SACS: variants seen among roughly 807,000 people sequenced by gnomAD.
The protein encoded by SACS is sacsin.
SACS carries 197 observed loss-of-function variants against 348.0 expected under a neutral mutation model. The observed-to-expected ratio is 0.57, with a 90% CI of 0.50 to 0.64. SACS has a LOEUF of 0.64. SACS is among the 30% of genes least tolerant of loss of function. The probability of loss-of-function intolerance (pLI) is 0.00; values close to 1 mark genes in which losing one functional copy is unlikely to be tolerated. For synonymous variants in SACS, 1,985 were observed against 1,910.6 expected, an observed-to-expected ratio of 1.04 and a Z score of -1.02; for missense variants, 4,999 against 5,360.8, an observed-to-expected ratio of 0.93 and a Z score of 2.11.
Position 23,340,681 on chromosome 13 carries a change from A to C in SACS, c.3195T>G (p.Phe1065Leu). The change falls in exon 10 of 10, where the codon TTT (phenylalanine) becomes TTG (leucine). Residue 1065 changes from phenylalanine (F) to leucine (L), a missense_variant. Phe to Leu is a conservative substitution (Grantham distance 22, BLOSUM62 0). This residue lies in a region of SACS where 3,156 missense variants were observed against 3,380.1 expected (regional missense o/e 0.93). Transcript: ENST00000382292. ...GGAAATAGGTTCCTTCTTCATTACA[A>C]AAGAGATCCTTTAGTACTTCTATAT... Reference protein sequence around the residue: ...DPDIEVLKDLFCNEEGTYFPP... With the variant: ...DPDIEVLKDLLCNEEGTYFPP... 2 of 1,594,236 alleles carry C rather than the reference A, an allele frequency of 1.3e-6. No homozygotes were observed. The highest frequency in any genetic ancestry group is 1.7e-6 in the Non-Finnish European group (2 of 1,173,334).
chr13:23,415,484 A>G (rs1299047460), intron 1 of SACS, among the ~76,000 whole-genome samples: 3 of 152,224 alleles, frequency 2.0e-5, no homozygotes, highest in Non-Finnish European at 4.4e-5. Context: ...GTCAGAAATT[A>G]CCTACCATGA....
At chr13:23,379,216 C>A (rs890851273) in intron 2 of SACS, among the ~76,000 whole-genome samples, 1 of 152,190 alleles carries the variant, frequency 6.6e-6, no homozygotes, top group African/African-American at 2.4e-5. Flanking sequence ...GGACATGGTG[C>A]CACCTTCCTC....
chr13:23,346,729 G>A (rs1869632027), intron 9 of SACS: 1 of 596,650 alleles, frequency 1.7e-6, no homozygotes, highest in Non-Finnish European at 2.1e-6. Context: ...TAGCTACTTA[G>A]GTAAATGCAA....
At position 23,347,072 on chromosome 13, in the gene SACS, T is replaced by C. The variant is rs375313141; in HGVS notation, c.2186-5382A>G. On this transcript the variant is annotated intron_variant, in intron 9 of 9. Transcript: ENST00000382292. ...GTACGTAAGAGTCAGGAGTGTTGGT[T>C]CAGAAAGAAAGCAAAGAAAGAATTA... is the stretch of plus-strand genomic sequence containing the variant. Among the ~76,000 whole-genome samples, 23 of 152,280 alleles carry C rather than the reference T, an allele frequency of 1.5e-4. No homozygotes were observed. The East Asian group carries it at 3.9e-3, about 26-fold the overall frequency.
chr13:23,426,728 G>T (rs924064193), intron 1 of SACS, among the ~76,000 whole-genome samples: 6 of 152,002 alleles, frequency 3.9e-5, no homozygotes, highest in Non-Finnish European at 5.9e-5. Context: ...AAGTGAGTCA[G>T]ACAGGTGATA....
intron 9 of SACS, among the ~76,000 whole-genome samples, chr13:23,348,646 G>A (rs1196021977): frequency 6.6e-6 from 1 of 152,202 alleles, no homozygotes; most frequent in South Asian, 2.1e-4. Flanking sequence ...GCAGGGCAGG[G>A]GTGAGGCACA....
In SACS at chr13:23,425,670, G is replaced by C. The variant is rs117907623; in HGVS notation, c.-502+7945C>G. Among the ~76,000 whole-genome samples the C allele has an allele frequency of 2.5e-3, 388 of 152,176 alleles. 5 individuals are homozygous for C. The highest frequency in any genetic ancestry group is 0.018 in the East Asian group (93 of 5,112). Reference sequence around the variant, plus strand: ...AGGAATTCACCCTTCTGCACATGTGGTGGGGAAGGCGCCATTTTTGCCCAC... The same window carrying C: ...AGGAATTCACCCTTCTGCACATGTGCTGGGGAAGGCGCCATTTTTGCCCAC... On this transcript the variant is annotated intron_variant, in intron 1 of 9. Coordinates refer to ENST00000382292, the MANE Select transcript of SACS (RefSeq NM_014363.6).
At chr13:23,433,108 T>A (rs994121092) in intron 1 of SACS, among the ~76,000 whole-genome samples, 2 of 152,184 alleles carry the variant, frequency 1.3e-5, no homozygotes, top group Admixed American at 6.5e-5. Context: ...ATGGCATTGT[T>A]TGAAGGCATG....
At chr13:23,399,019 C>CAAAAAAAAAGAAAA (rs1872834017) in intron 2 of SACS, among the ~76,000 whole-genome samples, 1 of 67,140 alleles carries the variant, frequency 1.5e-5, no homozygotes, top group East Asian at 7.1e-4. Flanking sequence ...GACTCCATCT[C>CAAAAAAAAAGAAAA]AAAAAAAAAA....
chr13:23,392,649 G>A (rs912251029), intron 2 of SACS, among the ~76,000 whole-genome samples: 1 of 152,190 alleles, frequency 6.6e-6, no homozygotes, highest in South Asian at 2.1e-4. Context: ...AAGGCCACAC[G>A]ACTAGCAAAT....
At chr13:23,418,171 T>G (rs1440958922) in intron 1 of SACS, among the ~76,000 whole-genome samples, 1 of 152,048 alleles carries the variant, frequency 6.6e-6, no homozygotes, top group East Asian at 1.9e-4. Flanking sequence ...AGCAAAAGTT[T>G]TGTGTTCAGA....
Position 23,333,905 on chromosome 13 carries a change from A to G in SACS, c.9971T>C (p.Leu3324Pro). 6.2e-7 allele frequency: 1 copy of G among 1,613,860 alleles called. No individual in the cohort carries two copies. ...AAGCTGAATACAGCCAGCTTTCATT[A>G]GAGCATGAAAAACTTTATCACTCTG... ...NAQSDKVFHA[L>P]MKAGCIQLAL... Residue 3324 changes from leucine to proline, a missense_variant, in exon 10 of 10, where the codon CTA becomes CCA. Physicochemically the swap from Leu to Pro is moderately conservative, Grantham distance 98 (BLOSUM62 -3). This residue lies in a region of SACS where 734 missense variants were observed against 694.0 expected (regional missense o/e 1.06). Coordinates refer to ENST00000382292, the MANE Select transcript of SACS (RefSeq NM_014363.6).
Position 23,355,204 on chromosome 13 carries a change from G to A in SACS, c.1408C>T (p.Leu470Phe). Residue 470 changes from leucine to phenylalanine, a missense_variant, in exon 8 of 10, where the codon CTT becomes TTT. By Grantham distance (22) the Leu-to-Phe change is conservative. This residue lies in a region of SACS where 3,156 missense variants were observed against 3,380.1 expected (regional missense o/e 0.93). Transcript: ENST00000382292. ...TTTATGCTCCTGCGGTTATCAGTAA[G>A]GCCAAAGAACCCACTGATGTGAACT... ...LPVHISGFFG[L>F]TDNRRSIKWR... is the part of the protein sequence containing the mutation. 1 of 1,614,188 alleles carries A rather than the reference G, an allele frequency of 6.2e-7. No individual in the cohort carries two copies. The highest frequency in any genetic ancestry group is 8.5e-7 in the Non-Finnish European group (1 of 1,180,024).
chr13:23,337,743 T>C lies in SACS; in HGVS notation c.6133A>G (p.Ile2045Val). 1.2e-6 allele frequency: 2 copies of C among 1,613,910 alleles called. No individual in the cohort carries two copies. Among genetic ancestry groups the C allele is most frequent in the Non-Finnish European group, 1.7e-6 (2 of 1,179,966 alleles). Residue 2045 changes from isoleucine (I) to valine (V), a missense_variant, in exon 10 of 10, where the codon ATA becomes GTA. Coordinates refer to ENST00000382292, the MANE Select transcript of SACS (RefSeq NM_014363.6). The stretch of plus-strand genomic sequence containing the variant: ...TCTGAAAATGTGTTTTCAAGTAGTA[T>C]CTGTTTGCAGCCAGCTTCTTCAAAT... The part of the protein sequence containing the change: ...LGFEEAGCKQ[I>V]LLENTFSEKQ...
Position 23,338,648 on chromosome 13 carries a change from C to T in SACS, c.5228G>A (p.Ser1743Asn). 6.2e-7 allele frequency: 1 copy of T among 1,614,146 alleles called. No individual in the cohort carries two copies. Among genetic ancestry groups the T allele is most frequent in the Non-Finnish European group, 8.5e-7 (1 of 1,180,002 alleles). The part of the protein sequence containing the change: ...KEAAKLMKTC[S>N]SSNKKLPSDE... The stretch of plus-strand genomic sequence containing the variant: ...ACTGGGAAGCTTTTTATTACTGCTG[C>T]TGCAAGTCTTCATGAGCTTAGCAGC... The change falls in exon 10 of 10, where the codon AGC becomes AAC. Residue 1743 changes from serine to asparagine, a missense_variant. Transcript: ENST00000382292.
At chr13:23,411,074 C>T in intron 2 of SACS, 146 bp downstream of exon 2, 1 of 701,788 alleles carries the variant, frequency 1.4e-6, no homozygotes, top group South Asian at 1.7e-5. Flanking sequence ...TATACAATTT[C>T]AGTTAGAACT....
intron 2 of SACS, among the ~76,000 whole-genome samples, chr13:23,375,856 A>AGGTGCGTTGTCCCTTTTAGAGCTCAAC (rs1871773096): frequency 1.3e-5 from 2 of 152,152 alleles, no homozygotes; most frequent in Non-Finnish European, 2.9e-5. Context: ...GCTAGAGGAC[A>AGGTGCGTTGTCCCTTTTAGAGCTCAAC]GGTGCGTTGT....
At chr13:23,405,284 A>G (rs778206643) in intron 2 of SACS, among the ~76,000 whole-genome samples, 46 of 152,326 alleles carry the variant, frequency 3.0e-4, no homozygotes, top group Non-Finnish European at 5.9e-4. Flanking sequence ...GAACTTTGAC[A>G]AATCTGACAA....
At chr13:23,417,403 A>C (rs1201693423) in intron 1 of SACS, among the ~76,000 whole-genome samples, 3 of 152,228 alleles carry the variant, frequency 2.0e-5, no homozygotes, top group Non-Finnish European at 4.4e-5. Flanking sequence ...TTTAACATGA[A>C]ACCATAATAA....
Sources: allele counts gnomAD v4.1 joint callset (sites outside exome capture counted in the v4.1 genomes callset), GRCh38; gene constraint gnomAD v4.1.1; regional missense constraint gnomAD v4.1.1; transcripts MANE v1.5; gene names NCBI Gene and HGNC (gene_info 2026-07-23, HGNC 2026-07-21).